The following PELI2 variants were observed in gnomAD, a reference collection of about 807,000 sequenced individuals.
PELI2 encodes the protein pellino E3 ubiquitin protein ligase family member 2.
In PELI2, 23 loss-of-function variants were observed where a neutral mutation model predicts 42.3. The observed-to-expected ratio is 0.54, with a 90% CI of 0.39 to 0.77. The LOEUF is 0.77. Ranked by LOEUF, PELI2 falls within the 30% of genes least tolerant of loss-of-function variation. The pLI is 0.00. For missense variants in PELI2, 463 were observed against 553.2 expected (o/e 0.84, Z 1.64); for synonymous variants, 245 against 212.2 (o/e 1.15, Z -1.34).
At chr14:56,187,118 C>T (rs947107651) in intron 2 of PELI2, among the ~76,000 whole-genome samples, 3 of 152,146 alleles carry the variant, frequency 2.0e-5, no homozygotes, top group Non-Finnish European at 4.4e-5. Flanking sequence ...AGGTGCGCTA[C>T]CCAGGACCCA....
At chr14:56,155,299 G>A (rs1156767782) in intron 1 of PELI2, among the ~76,000 whole-genome samples, 2 of 151,656 alleles carry the variant, frequency 1.3e-5, no homozygotes, top group Non-Finnish European at 2.9e-5. Context: ...TCCTGATTCA[G>A]GGATAAGATG....
chr14:56,280,465 A>G (rs1347277185), intron 3 of PELI2, among the ~76,000 whole-genome samples: 1 of 152,118 alleles, frequency 6.6e-6, no homozygotes, highest in Non-Finnish European at 1.5e-5. Flanking sequence ...GTACTTTAAA[A>G]CAACAAACAA....
intron 2 of PELI2, among the ~76,000 whole-genome samples, chr14:56,236,531 T>G (rs1055628740): frequency 6.6e-6 from 1 of 152,244 alleles, no homozygotes; most frequent in Non-Finnish European, 1.5e-5. Flanking sequence ...CTAAAGCGTT[T>G]ACAGTTCTGA....
At position 56,118,607 on chromosome 14, in the gene PELI2, A is replaced by G. The variant is rs899077821; in HGVS notation, c.-54A>G. 8.6e-7 allele frequency: 1 copy of G among 1,161,038 alleles called. No homozygotes were observed. Among genetic ancestry groups the G allele is most frequent in the African/African-American group, 1.7e-5 (1 of 60,446 alleles). The allele number at this position is 1,161,038 out of a possible 1,614,324, so 71.9% of individuals were successfully genotyped here. A position where few individuals can be genotyped will look rare whatever the true frequency, so the allele number is the denominator to read the frequency against. ...TAGCGGCGGCGCGGACTCGGCGGGG[A>G]TCGCGGCGGAGGCGGCGGCGTCGGC... On this transcript the variant is annotated 5_prime_UTR_variant, in exon 1 of 6. Coordinates refer to ENST00000267460, the MANE Select transcript of PELI2 (RefSeq NM_021255.3).
intron 2 of PELI2, among the ~76,000 whole-genome samples, chr14:56,205,683 G>A (rs1055569657): frequency 1.3e-5 from 2 of 152,204 alleles, no homozygotes; most frequent in African/African-American, 4.8e-5. Flanking sequence ...TAGTGTTTAT[G>A]TGGAGCTGAA....
At chr14:56,292,184 C>T (rs191182030) in intron 5 of PELI2, among the ~76,000 whole-genome samples, 47 of 152,270 alleles carry the variant, frequency 3.1e-4, no homozygotes, top group African/African-American at 1.1e-3. Flanking sequence ...AATATACAGG[C>T]TATTTTTGAA....
rs1006382908 is a variant in PELI2, at chr14:56,234,341, G to A, written c.208-45335G>A. On this transcript the variant is annotated intron_variant, in intron 2 of 5. Transcript: ENST00000267460. ...GCACTATTCACAATAGCAAAGACCT[G>A]GAACCAGCCCAAATGTCCATCAATG... Among the ~76,000 whole-genome samples the A allele has an allele frequency of 2.6e-5, 4 of 152,126 alleles. No homozygotes were observed. In the South Asian group the frequency reaches 8.3e-4, roughly 32 times the overall value.
intron 2 of PELI2, among the ~76,000 whole-genome samples, chr14:56,262,992 T>C (rs1475247462): frequency 6.6e-6 from 1 of 152,168 alleles, no homozygotes; most frequent in African/African-American, 2.4e-5. Flanking sequence ...ATGCCTTGAT[T>C]CTTTTGCTCA....
Position 56,119,800 on chromosome 14 carries a change from A to G in PELI2, c.77+1063A>G, listed in dbSNP as rs1409065422. ...TTTCCTTTGGATGTGTCGCTCTGGG[A>G]ACCCGCGCTTTTGTCCTTCTGCGTT... On this transcript the variant is annotated intron_variant, in intron 1 of 5. Coordinates refer to ENST00000267460, the MANE Select transcript of PELI2 (RefSeq NM_021255.3). The G allele has an allele frequency of 3.0e-6, 3 of 984,842 alleles. No homozygotes were observed. The South Asian group carries it at 1.4e-4, about 46-fold the overall frequency. 61.0% of individuals were successfully genotyped at this position (984,842 alleles called of 1,614,324 possible). A position where few individuals can be genotyped will look rare whatever the true frequency, so the allele number is the denominator to read the frequency against.
At chr14:56,246,306 C>A (rs1358915689) in intron 2 of PELI2, among the ~76,000 whole-genome samples, 2 of 152,156 alleles carry the variant, frequency 1.3e-5, no homozygotes, top group East Asian at 1.9e-4. Flanking sequence ...CAAATCTGAT[C>A]CCCCTTCCCT....
intron 1 of PELI2, among the ~76,000 whole-genome samples, chr14:56,141,787 T>G (rs932785868): frequency 6.6e-6 from 1 of 152,186 alleles, no homozygotes; most frequent in Non-Finnish European, 1.5e-5. Context: ...GTCCAGCCCT[T>G]GACACGTGGG....
At chr14:56,201,675 G>A (rs2139707798) in intron 2 of PELI2, among the ~76,000 whole-genome samples, 1 of 152,292 alleles carries the variant, frequency 6.6e-6, no homozygotes, top group South Asian at 2.1e-4. Flanking sequence ...ACTGCTAAAT[G>A]TCTTTTGCTT....
At chr14:56,250,118 C>G (rs1286669797) in intron 2 of PELI2, among the ~76,000 whole-genome samples, 1 of 152,126 alleles carries the variant, frequency 6.6e-6, no homozygotes, top group African/African-American at 2.4e-5. Context: ...GTTTTCTGCC[C>G]AAACTTTGGC....
At chr14:56,166,941 C>A (rs1884984955) in intron 1 of PELI2, among the ~76,000 whole-genome samples, 1 of 152,192 alleles carries the variant, frequency 6.6e-6, no homozygotes, top group Non-Finnish European at 1.5e-5. Context: ...GCGCCTGCCA[C>A]CACGCCTGAC....
chr14:56,223,162 A>G (rs1202721785), intron 2 of PELI2, among the ~76,000 whole-genome samples: 2 of 152,126 alleles, frequency 1.3e-5, no homozygotes, highest in Non-Finnish European at 2.9e-5. Context: ...GGCCCTGGAA[A>G]ACCCAAGCAA....
At chr14:56,275,325 C>T (rs1162458637) in intron 2 of PELI2, among the ~76,000 whole-genome samples, 2 of 152,142 alleles carry the variant, frequency 1.3e-5, no homozygotes, top group African/African-American at 2.4e-5. Flanking sequence ...AATTTCTCCA[C>T]GGACCGGGGA....
intron 2 of PELI2, among the ~76,000 whole-genome samples, chr14:56,251,927 A>G (rs959145166): frequency 5.9e-5 from 9 of 152,152 alleles, no homozygotes; most frequent in African/African-American, 9.7e-5. Context: ...GAGGTGCCAA[A>G]CGTATACACC....
At chr14:56,206,870 CTGT>C (rs1555347467) in intron 2 of PELI2, among the ~76,000 whole-genome samples, 1 of 152,140 alleles carries the variant, frequency 6.6e-6, no homozygotes, top group Non-Finnish European at 1.5e-5. Flanking sequence ...TTAAACTTGT[CTGT>C]ATTATCCTCA....
intron 1 of PELI2, among the ~76,000 whole-genome samples, chr14:56,132,473 C>T (rs910988086): frequency 6.6e-6 from 1 of 152,150 alleles, no homozygotes; most frequent in Non-Finnish European, 1.5e-5. Context: ...TGTGGGACTC[C>T]TGTCGTGGGG....
Sources: allele counts gnomAD v4.1 joint callset (sites outside exome capture counted in the v4.1 genomes callset), GRCh38; gene constraint gnomAD v4.1.1; transcripts MANE v1.5; gene names NCBI Gene and HGNC (gene_info 2026-07-23, HGNC 2026-07-21).